CFAP96: variants seen among roughly 807,000 people sequenced by gnomAD.
CFAP96 encodes cilia-and flagella-associated protein 96.
chr4:185,415,405 A>G, the CFAP96 span: 1 of 1,397,964 alleles, frequency 7.2e-7, no homozygotes, highest in South Asian at 1.5e-5. Flanking sequence ...CAATAAAGAA[A>G]AGTACAGAGC....
At chr4:185,415,795 T>C in the CFAP96 span, 1 of 1,613,810 alleles carries the variant, frequency 6.2e-7, no homozygotes, top group African/African-American at 1.3e-5. Context: ...CCGCTTTCCC[T>C]TTCAATGATG....
the CFAP96 span, among the ~76,000 whole-genome samples, chr4:185,447,435 C>T: frequency 6.6e-6 from 1 of 152,178 alleles, no homozygotes; most frequent in Non-Finnish European, 1.5e-5. Context: ...CCACCTTGGC[C>T]TCCCAAAGTG....
At chr4:185,441,218 A>G in the CFAP96 span, among the ~76,000 whole-genome samples, 8 of 152,316 alleles carry the variant, frequency 5.3e-5, 1 homozygote, top group African/African-American at 1.9e-4. Flanking sequence ...ATGGTAATTA[A>G]AATTAACTAT....
At chr4:185,412,845 C>T in the CFAP96 span, among the ~76,000 whole-genome samples, 2 of 152,136 alleles carry the variant, frequency 1.3e-5, no homozygotes, top group African/African-American at 4.8e-5. Context: ...TATTCCTAAT[C>T]TTGGATGCCT....
At chr4:185,436,712 A>AATAATAATAAT in the CFAP96 span, among the ~76,000 whole-genome samples, 2 of 144,130 alleles carry the variant, frequency 1.4e-5, no homozygotes, top group South Asian at 4.4e-4. Flanking sequence ...TCCGTCTCAA[A>AATAATAATAAT]AATAATAATA....
At chr4:185,442,278 G>T in the CFAP96 span, among the ~76,000 whole-genome samples, 4 of 151,676 alleles carry the variant, frequency 2.6e-5, no homozygotes, top group Non-Finnish European at 5.9e-5. Context: ...CTCTTTTTTT[G>T]GATATATTAA....
the CFAP96 span, among the ~76,000 whole-genome samples, chr4:185,427,048 G>C: frequency 9.0e-4 from 135 of 149,242 alleles, no homozygotes; most frequent in African/African-American, 3.1e-3. Context: ...CTGGGCAACA[G>C]AGAGAGACTC....
chr4:185,432,168 A>C, the CFAP96 span: 1 of 1,551,804 alleles, frequency 6.4e-7, no homozygotes. Flanking sequence ...AATCTAGGCA[A>C]AGCATTCCTC....
At chr4:185,426,204 T>G in the CFAP96 span, 7 of 360,804 alleles carry the variant, frequency 1.9e-5, no homozygotes, top group East Asian at 5.1e-5. Flanking sequence ...GATTCTCCCG[T>G]ACCCGGGGCA....
At chr4:185,420,912 T>C in the CFAP96 span, among the ~76,000 whole-genome samples, 2 of 152,254 alleles carry the variant, frequency 1.3e-5, no homozygotes, top group East Asian at 1.9e-4. Context: ...TATTGGATTA[T>C]CTACTGATTA....
the CFAP96 span, among the ~76,000 whole-genome samples, chr4:185,420,653 G>A: frequency 1.3e-5 from 2 of 152,096 alleles, no homozygotes; most frequent in African/African-American, 2.4e-5. Context: ...CACTACAAAA[G>A]ACAAACATAA....
At chr4:185,425,991 C>T in the CFAP96 span, 5 of 1,150,206 alleles carry the variant, frequency 4.3e-6, no homozygotes, top group Non-Finnish European at 6.3e-6. Flanking sequence ...CAACTCCCGA[C>T]ATGCTCGGCG....
chr4:185,440,552 G>A, the CFAP96 span: 2 of 1,513,804 alleles, frequency 1.3e-6, no homozygotes, highest in Non-Finnish European at 8.8e-7. Flanking sequence ...AGCGAATGAA[G>A]AGCACCATCG....
the CFAP96 span, among the ~76,000 whole-genome samples, chr4:185,418,937 C>A: frequency 6.6e-6 from 1 of 152,034 alleles, no homozygotes; most frequent in African/African-American, 2.4e-5. Context: ...GTCTGTGAGA[C>A]AAAATTCACA....
At chr4:185,422,689 G>C in the CFAP96 span, 1 of 669,764 alleles carries the variant, frequency 1.5e-6, no homozygotes. Flanking sequence ...TATTTCATGA[G>C]TTAATTCCTT....
the CFAP96 span, among the ~76,000 whole-genome samples, chr4:185,440,931 C>G: frequency 1.7e-5 from 2 of 120,430 alleles, no homozygotes; most frequent in South Asian, 3.4e-4. Flanking sequence ...AATTATTAGT[C>G]TCTTCAAATG....
chr4:185,434,839 A>G, the CFAP96 span, among the ~76,000 whole-genome samples: 2 of 152,262 alleles, frequency 1.3e-5, no homozygotes, highest in East Asian at 3.9e-4. Context: ...CCCAGGTTCA[A>G]GCGAGATTCT....
chr4:185,411,576 A>C, the CFAP96 span, among the ~76,000 whole-genome samples: 10,295 of 152,246 alleles, frequency 0.068, 385 homozygotes, highest in South Asian at 0.088. Context: ...AGTTTATTTC[A>C]TGAATGCACA....
the CFAP96 span, among the ~76,000 whole-genome samples, chr4:185,414,032 T>C: frequency 6.6e-6 from 1 of 152,188 alleles, no homozygotes; most frequent in Non-Finnish European, 1.5e-5. Flanking sequence ...TGGTGAAAAC[T>C]GAACTAAAAC....
Sources: allele counts gnomAD v4.1 joint callset (sites outside exome capture counted in the v4.1 genomes callset), GRCh38; gene constraint gnomAD v4.1.1; transcripts MANE v1.5; gene names NCBI Gene and HGNC (gene_info 2026-07-23, HGNC 2026-07-21).